The following RIT2 variants were observed in gnomAD, a reference collection of about 807,000 sequenced individuals.
RIT2 encodes the protein GTP-binding protein Rit2.
In RIT2, 24 loss-of-function variants were observed where a neutral mutation model predicts 23.7. The ratio of observed to expected loss-of-function variants is 1.01; its 90% CI spans 0.73 to 1.43. The LOEUF is 1.43. Among genes scored for constraint, RIT2 ranks in the 40% most tolerant of loss-of-function variants. RIT2 has a pLI of 0.00. For synonymous variants in RIT2, 107 were observed against 91.1 expected (o/e 1.17, Z -0.99); for missense variants, 236 against 266.9 (o/e 0.88, Z 0.81).
intron 1 of RIT2, among the ~76,000 whole-genome samples, chr18:43,105,564 T>C (rs889740801): frequency 1.4e-5 from 2 of 142,742 alleles, no homozygotes; most frequent in African/African-American, 5.1e-5. Context: ...ATATAATCTA[T>C]AGTTTTTATT....
intron 3 of RIT2, among the ~76,000 whole-genome samples, chr18:42,945,336 G>A (rs897223665): frequency 6.6e-6 from 1 of 151,530 alleles, no homozygotes; most frequent in Non-Finnish European, 1.5e-5. Flanking sequence ...ATCAATAAGT[G>A]CATCTAGCTT....
At chr18:42,753,095 G>A (rs1913084690) in intron 4 of RIT2, among the ~76,000 whole-genome samples, 1 of 152,106 alleles carries the variant, frequency 6.6e-6, no homozygotes, top group Non-Finnish European at 1.5e-5. Context: ...AGCTGCATGG[G>A]GGGTTGATGA....
intron 1 of RIT2, among the ~76,000 whole-genome samples, chr18:43,063,819 G>T (rs566697625): frequency 2.2e-4 from 34 of 152,272 alleles, no homozygotes; most frequent in Admixed American, 4.6e-4. Context: ...TAAGTCAAAA[G>T]TGGGCTGTGG....
chr18:42,864,104 C>A (rs1271845428), intron 4 of RIT2, among the ~76,000 whole-genome samples: 2 of 151,646 alleles, frequency 1.3e-5, no homozygotes, highest in Non-Finnish European at 2.9e-5. Context: ...CTTTCAATAA[C>A]TTCCTGACCC....
At chr18:42,936,619 T>C (rs186542564) in intron 3 of RIT2, among the ~76,000 whole-genome samples, 2 of 152,306 alleles carry the variant, frequency 1.3e-5, no homozygotes, top group African/African-American at 2.4e-5. Context: ...TGCACTATCA[T>C]ACTTAGAACA....
chr18:42,889,042 C>G (rs1024673200), intron 4 of RIT2, among the ~76,000 whole-genome samples: 1 of 151,654 alleles, frequency 6.6e-6, no homozygotes, highest in Admixed American at 6.6e-5. Flanking sequence ...CATGTGCCCC[C>G]CTGTTTCTAA....
intron 1 of RIT2, among the ~76,000 whole-genome samples, chr18:43,065,218 GTTTT>G (rs58941113): frequency 1.7e-4 from 14 of 81,644 alleles, no homozygotes; most frequent in East Asian, 3.4e-4. Context: ...ACTTTTTTGG[GTTTT>G]TTTTTTTTTT....
chr18:42,939,549 TCTA>T (rs1376272657), intron 3 of RIT2, among the ~76,000 whole-genome samples: 1 of 152,142 alleles, frequency 6.6e-6, no homozygotes, highest in Non-Finnish European at 1.5e-5. Context: ...AGGAAGAAAT[TCTA>T]CTTATCTCCT....
intron 2 of RIT2, among the ~76,000 whole-genome samples, chr18:43,009,938 AT>A (rs1174456394): frequency 1.3e-5 from 2 of 151,672 alleles, no homozygotes; most frequent in Non-Finnish European, 2.9e-5. Flanking sequence ...TGTTCCCCTT[AT>A]TCCCACCACT....
chr18:42,966,501 T>A lies in RIT2; in HGVS notation c.234+7573A>T, dbSNP rs1350237648. ...AAGTTTCAGCTAAAAATATAAATGA[T>A]AAATATAAATCTAAATATTCTACAT... On this transcript the variant is annotated intron_variant, in intron 3 of 4. Transcript: ENST00000326695. Among the ~76,000 whole-genome samples the A allele has an allele frequency of 2.0e-5, 3 of 152,278 alleles. No individual in the cohort carries two copies. In the East Asian group the frequency reaches 5.8e-4, roughly 29 times the overall value.
intron 3 of RIT2, among the ~76,000 whole-genome samples, chr18:42,967,536 A>ATTTTTTTTTT (rs397940927): frequency 2.1e-4 from 17 of 80,758 alleles, no homozygotes; most frequent in East Asian, 7.2e-4. Context: ...CGCCCGGCTA[A>ATTTTTTTTTT]TTTTTTTTTT....
At chr18:42,913,021 A>C (rs1908811011) in intron 4 of RIT2, among the ~76,000 whole-genome samples, 1 of 151,948 alleles carries the variant, frequency 6.6e-6, no homozygotes, top group South Asian at 2.1e-4. Flanking sequence ...ATGCTGAACT[A>C]ATCAAGTCAG....
intron 4 of RIT2, among the ~76,000 whole-genome samples, chr18:42,910,204 C>T (rs576497145): frequency 2.0e-5 from 3 of 152,008 alleles, no homozygotes; most frequent in South Asian, 2.1e-4. Flanking sequence ...AAAGAGAAAG[C>T]GAAAACAGAA....
intron 4 of RIT2, among the ~76,000 whole-genome samples, chr18:42,785,985 T>G (rs1173049912): frequency 1.3e-5 from 2 of 152,204 alleles, no homozygotes; most frequent in African/African-American, 4.8e-5. Flanking sequence ...CATAATTTCT[T>G]AAATTGAATG....
At chr18:43,019,535 C>G (rs954573976) in intron 2 of RIT2, among the ~76,000 whole-genome samples, 2 of 151,722 alleles carry the variant, frequency 1.3e-5, no homozygotes, top group African/African-American at 4.8e-5. Context: ...AAGTAACATA[C>G]CTAACATAAT....
rs1487078845 is a variant in RIT2, at chr18:43,115,563, C to CGT, written c.-46_-45dup. 6.3e-7 allele frequency: 1 copy of CGT among 1,595,454 alleles called. No homozygotes were observed. The highest frequency in any genetic ancestry group is 2.2e-5 in the East Asian group (1 of 44,598). ...GGAAAAAAAGAAGGAGAAAGTCACC[C>CGT]GTGTCAGGTGCTTGCTCGAATATTA... On this transcript the variant is annotated 5_prime_UTR_variant, in exon 1 of 5. Transcript: ENST00000326695.
At chr18:42,816,858 T>C (rs921756727) in intron 4 of RIT2, among the ~76,000 whole-genome samples, 1 of 152,196 alleles carries the variant, frequency 6.6e-6, no homozygotes, top group Admixed American at 6.5e-5. Flanking sequence ...CACTGCTTAC[T>C]GTGCACCAGA....
chr18:42,894,009 T>C (rs1908254006), intron 4 of RIT2, among the ~76,000 whole-genome samples: 1 of 152,332 alleles, frequency 6.6e-6, no homozygotes, highest in East Asian at 1.9e-4. Context: ...AATTGAGAGA[T>C]TGTAAACTGT....
Position 42,743,469 on chromosome 18 carries a change from G to T in RIT2, c.*24C>A, listed in dbSNP as rs140706543. ...GTCCAACTAATAAAATTCAGAGAGCGTGAGGAACTCAAAAGCAAAGATATC... is the reference window on the plus strand; with the variant it reads ...GTCCAACTAATAAAATTCAGAGAGCTTGAGGAACTCAAAAGCAAAGATATC... On this transcript the variant is annotated 3_prime_UTR_variant, in exon 5 of 5. Coordinates refer to ENST00000326695, the MANE Select transcript of RIT2 (RefSeq NM_002930.4). 6,839 of 1,512,388 alleles carry T rather than the reference G, an allele frequency of 4.5e-3. 35 individuals are homozygous for T. The highest frequency in any genetic ancestry group is 0.026 in the Middle Eastern group (150 of 5,860). 93.7% of individuals were successfully genotyped at this position (1,512,388 alleles called of 1,614,324 possible). A position where few individuals can be genotyped will look rare whatever the true frequency, so the allele number is the denominator to read the frequency against.
Sources: allele counts gnomAD v4.1 joint callset (sites outside exome capture counted in the v4.1 genomes callset), GRCh38; gene constraint gnomAD v4.1.1; transcripts MANE v1.5; gene names NCBI Gene and HGNC (gene_info 2026-07-23, HGNC 2026-07-21).